Variants in SEMA5A observed in about 807,000 individuals in gnomAD.
SEMA5A encodes semaphorin 5A.
A neutral mutation model predicts 135.5 loss-of-function variants in SEMA5A; 55 were observed. That is an observed-to-expected ratio of 0.41 (90% CI 0.33 to 0.51). The LOEUF (loss-of-function observed/expected upper bound fraction) is 0.51. Ranked by LOEUF, SEMA5A falls within the 20% of genes least tolerant of loss-of-function variation. SEMA5A has a pLI of 0.37. For missense variants in SEMA5A, 1,290 were observed against 1,419.9 expected (o/e 0.91, Z 1.47); for synonymous variants, 580 against 546.5 (o/e 1.06, Z -0.85).
At chr5:9,054,754 C>T (rs1337703239) in intron 18 of SEMA5A, among the ~76,000 whole-genome samples, 1 of 152,130 alleles carries the variant, frequency 6.6e-6, no homozygotes, top group African/African-American at 2.4e-5. Context: ...GGTTTACTCC[C>T]TGACAGTGGG....
chr5:9,341,257 G>T (rs772380075), intron 3 of SEMA5A, among the ~76,000 whole-genome samples: 5 of 151,208 alleles, frequency 3.3e-5, no homozygotes, highest in Non-Finnish European at 5.9e-5. Flanking sequence ...ATAGGGCTTA[G>T]CCCAGAAACG....
intron 1 of SEMA5A, among the ~76,000 whole-genome samples, chr5:9,454,570 C>G (rs1486894480): frequency 6.6e-6 from 1 of 152,206 alleles, no homozygotes; most frequent in African/African-American, 2.4e-5. Flanking sequence ...AGGAAAGCAT[C>G]TTAATTCAAT....
intron 1 of SEMA5A, among the ~76,000 whole-genome samples, chr5:9,438,298 C>T (rs1758105896): frequency 6.6e-6 from 1 of 152,142 alleles, no homozygotes; most frequent in Non-Finnish European, 1.5e-5. Flanking sequence ...GGCAGTAGCA[C>T]AAACTCTGCT....
intron 22 of SEMA5A, 22 bp downstream of exon 22, chr5:9,044,351 A>T: frequency 2.5e-6 from 4 of 1,596,360 alleles, no homozygotes; most frequent in Non-Finnish European, 3.4e-6. Flanking sequence ...GGCACTTAGC[A>T]GAAATATTAA....
chr5:9,438,674 G>T (rs1758121949), intron 1 of SEMA5A, among the ~76,000 whole-genome samples: 3 of 152,100 alleles, frequency 2.0e-5, no homozygotes, highest in Admixed American at 6.6e-5. Flanking sequence ...CATTCATCTG[G>T]TTTTTCTCTA....
At chr5:9,058,410 T>A (rs1202710029) in intron 18 of SEMA5A, among the ~76,000 whole-genome samples, 2 of 152,184 alleles carry the variant, frequency 1.3e-5, no homozygotes, top group Non-Finnish European at 2.9e-5. Context: ...AATCTCCTCA[T>A]GGCTTGAATC....
intron 5 of SEMA5A, among the ~76,000 whole-genome samples, chr5:9,287,511 T>C (rs1750859532): frequency 6.6e-6 from 1 of 152,230 alleles, no homozygotes; most frequent in South Asian, 2.1e-4. Flanking sequence ...TATTTTAATC[T>C]TATCCATTGC....
At chr5:9,100,062 G>A (rs977229255) in intron 16 of SEMA5A, among the ~76,000 whole-genome samples, 12 of 152,222 alleles carry the variant, frequency 7.9e-5, no homozygotes, top group Non-Finnish European at 1.6e-4. Flanking sequence ...AAATAAATAT[G>A]CCTGGCAGAA....
chr5:9,458,239 A>G (rs1758921850), intron 1 of SEMA5A, among the ~76,000 whole-genome samples: 1 of 152,140 alleles, frequency 6.6e-6, no homozygotes, highest in Admixed American at 6.5e-5. Context: ...GGATGAGACA[A>G]AGCCATTATG....
intron 4 of SEMA5A, among the ~76,000 whole-genome samples, chr5:9,324,336 G>A (rs556046261): frequency 6.6e-6 from 1 of 152,212 alleles, no homozygotes; most frequent in East Asian, 1.9e-4. Context: ...CCAAAGTGCT[G>A]GGATTACAGG....
intron 15 of SEMA5A, 42 bp from the exon 16 acceptor site, chr5:9,108,329 C>A (rs779893485): frequency 6.2e-7 from 1 of 1,602,616 alleles, no homozygotes; most frequent in South Asian, 1.1e-5. Context: ...CTAATTAGTG[C>A]CACTTGAAAC....
intron 16 of SEMA5A, among the ~76,000 whole-genome samples, chr5:9,086,947 G>GC (rs1738729098): frequency 6.6e-6 from 1 of 152,018 alleles, no homozygotes; most frequent in African/African-American, 2.4e-5. Context: ...TTCTTTGATT[G>GC]TTTTTTTAAC....
chr5:9,289,469 T>G (rs1750963451), intron 5 of SEMA5A, among the ~76,000 whole-genome samples: 1 of 152,020 alleles, frequency 6.6e-6, no homozygotes, highest in South Asian at 2.1e-4. Flanking sequence ...ATTGAGAACA[T>G]CCTGGCTGAC....
intron 20 of SEMA5A, among the ~76,000 whole-genome samples, chr5:9,050,805 T>C (rs1736531459): frequency 6.6e-6 from 1 of 152,226 alleles, no homozygotes; most frequent in Non-Finnish European, 1.5e-5. Context: ...ACTCCTGTGG[T>C]ATTCCTGCTT....
chr5:9,492,037 G>C (rs1029207604), intron 1 of SEMA5A, among the ~76,000 whole-genome samples: 16 of 152,186 alleles, frequency 1.1e-4, no homozygotes, highest in African/African-American at 3.9e-4. Flanking sequence ...CATTTGGAAA[G>C]TTCATTCCTT....
At chr5:9,074,468 A>G (rs1737936605) in intron 16 of SEMA5A, among the ~76,000 whole-genome samples, 1 of 152,136 alleles carries the variant, frequency 6.6e-6, no homozygotes, top group African/African-American at 2.4e-5. Flanking sequence ...AGCACCATCC[A>G]TAAAATAAAA....
chr5:9,483,703 C>G (rs902034892), intron 1 of SEMA5A, among the ~76,000 whole-genome samples: 4 of 152,078 alleles, frequency 2.6e-5, no homozygotes, highest in African/African-American at 9.7e-5. Context: ...GCCAACCGAG[C>G]CTTTGATTTA....
rs112078250 is a variant in SEMA5A at position 9,530,086 on chromosome 5, G to A, written c.-175+15498C>T. The stretch of plus-strand genomic sequence containing the variant: ...AGCCCCAGGGAGGTGTGCGGGCCGC[G>A]TTAGGATGGACATTTGTGCATAACT... On this transcript the variant is annotated intron_variant, in intron 1 of 22. Coordinates refer to ENST00000382496, the MANE Select transcript of SEMA5A (RefSeq NM_003966.3). 9.8e-5 allele frequency among the ~76,000 whole-genome samples: 15 copies of A among 152,322 alleles called. No individual in the cohort carries two copies. The South Asian group carries it at 1.5e-3, about 15-fold the overall frequency.
chr5:9,195,483 T>C (rs751718543), intron 10 of SEMA5A, among the ~76,000 whole-genome samples: 1 of 152,242 alleles, frequency 6.6e-6, no homozygotes, highest in South Asian at 2.1e-4. Context: ...TTAAGAGTTA[T>C]ATTTATCAAA....
Sources: gnomAD v4.1 joint callset for allele counts (sites outside exome capture counted in the v4.1 genomes callset) on GRCh38, gnomAD v4.1.1 for gene constraint, MANE v1.5 for transcripts, NCBI Gene and HGNC (gene_info 2026-07-23, HGNC 2026-07-21) for gene names.